The following RBP3 variants were observed in gnomAD, a reference collection of about 807,000 sequenced individuals.
RBP3 encodes retinol-binding protein 3.
Under a neutral mutation model 64.8 loss-of-function variants are expected in RBP3, and 50 were observed. That is an observed-to-expected ratio of 0.77 (90% CI 0.61 to 0.98). The LOEUF is 0.98. Among genes scored for constraint, RBP3 ranks in the 50% least tolerant of loss-of-function variants. The probability of loss-of-function intolerance (pLI) is 0.00; values close to 1 mark genes in which losing one functional copy is unlikely to be tolerated. For synonymous variants in RBP3, 828 were observed against 730.2 expected (o/e 1.13, Z -2.16); for missense variants, 1,712 against 1,660.5 (o/e 1.03, Z -0.54).
rs34262817 is a variant in RBP3, at chr10:47,357,283, C to T, written c.3570C>T (p.Leu1190=). 1.9e-6 allele frequency: 3 copies of T among 1,614,216 alleles called. No individual in the cohort carries two copies. Among genetic ancestry groups the T allele is most frequent in the Non-Finnish European group, 2.5e-6 (3 of 1,180,046 alleles). ...ACGTGGATGACACCAACCTCTACCT[C>T]ACTATCCCCACGGCCCGTTCTGTGG... is the stretch of plus-strand genomic sequence containing the variant. ...TYHVDDTNLY[L]TIPTARSVGA... The change falls in exon 4 of 4, where the codon CTC becomes CTT. Residue 1190 remains leucine, a synonymous_variant. Transcript: ENST00000584701.
At position 47,350,603 on chromosome 10, in the gene RBP3, G is replaced by A. The variant is rs782314171; in HGVS notation, c.2119G>A (p.Glu707Lys). The part of the protein sequence containing the change: ...HRLLVFHSPG[E>K]LVVEEAPPPP... The stretch of plus-strand genomic sequence containing the variant: ...CTTGCTAGTGTTCCACAGCCCTGGC[G>A]AGCTGGTGGTAGAGGAAGCACCCCC... Residue 707 changes from glutamate to lysine, a missense_variant, in exon 1 of 4, where the codon GAG becomes AAG. Glu to Lys is a moderately conservative substitution (Grantham distance 56). Coordinates refer to ENST00000584701, the MANE Select transcript of RBP3 (RefSeq NM_002900.3). 20 of 1,612,946 alleles carry A rather than the reference G, an allele frequency of 1.2e-5. No individual in the cohort carries two copies. The highest frequency in any genetic ancestry group is 2.7e-5 in the African/African-American group (2 of 75,046).
Position 47,350,761 on chromosome 10 carries a change from C to T in RBP3, c.2277C>T (p.Ala759=), listed in dbSNP as rs782770139. The T allele has an allele frequency of 6.8e-6, 11 of 1,613,034 alleles. No homozygotes were observed. The highest frequency in any genetic ancestry group is 1.7e-5 in the Admixed American group (1 of 60,004). The change falls in exon 1 of 4, where the codon GCC becomes GCT. Residue 759 remains alanine (A), a synonymous_variant. Transcript: ENST00000584701. ...DAMAELETVK[A]VGPQLVRLVW... is the part of the protein sequence containing the mutation. Reference sequence around the variant, plus strand: ...TGGCTGAACTGGAGACAGTGAAGGCCGTGGGGCCACAGCTGGTGCGGCTGG... The same window carrying T: ...TGGCTGAACTGGAGACAGTGAAGGCTGTGGGGCCACAGCTGGTGCGGCTGG...
In RBP3 at chr10:47,349,170, T is replaced by C; in HGVS notation, c.686T>C (p.Val229Ala). ...ERYGADKDVV[V>A]LTSSQTRGVA... ...TACGGTGCCGACAAGGATGTGGTGG[T>C]CCTCACCAGCAGCCAGACCAGGGGC... Residue 229 changes from valine (V) to alanine (A), a missense_variant, in exon 1 of 4, where the codon GTC becomes GCC. Physicochemically the swap from Val to Ala is moderately conservative, Grantham distance 64. Coordinates refer to ENST00000584701, the MANE Select transcript of RBP3 (RefSeq NM_002900.3). The C allele has an allele frequency of 7.4e-6, 12 of 1,613,708 alleles. No homozygotes were observed. The highest frequency in any genetic ancestry group is 1.0e-5 in the Non-Finnish European group (12 of 1,180,026).
chr10:47,349,594 C>T lies in RBP3; in HGVS notation c.1110C>T (p.Thr370=). The T allele has an allele frequency of 6.2e-7, 1 of 1,612,976 alleles. No individual in the cohort carries two copies. Among genetic ancestry groups the T allele is most frequent in the Non-Finnish European group, 8.5e-7 (1 of 1,180,018 alleles). The part of the protein sequence containing the change: ...STVVSEEDLV[T]KLNAGLQAAS... ...TGGTCTCCGAGGAAGATCTGGTCACCAAGCTCAATGCCGGCCTGCAGGCTG... is the reference window on the plus strand; with the variant it reads ...TGGTCTCCGAGGAAGATCTGGTCACTAAGCTCAATGCCGGCCTGCAGGCTG... Residue 370 remains threonine, a synonymous_variant, in exon 1 of 4, where the codon ACC becomes ACT. Transcript: ENST00000584701.
chr10:47,349,296 T>G lies in RBP3; in HGVS notation c.812T>G (p.Ile271Arg). 4 of 1,612,832 alleles carry G rather than the reference T, an allele frequency of 2.5e-6. No homozygotes were observed. The highest frequency in any genetic ancestry group is 3.4e-6 in the Non-Finnish European group (4 of 1,179,960). ...GCCCTGGACCTCCGGAAGCTGAGGA[T>G]AGGCGAGTCTGACTTCTTCTTCACG... is the stretch of plus-strand genomic sequence containing the variant. ...GGALDLRKLRIGESDFFFTVP... is the reference protein window; with the variant it reads ...GGALDLRKLRRGESDFFFTVP... Residue 271 changes from isoleucine (I) to arginine (R), a missense_variant, in exon 1 of 4, where the codon ATA becomes AGA. By Grantham distance (97) the Ile-to-Arg change is moderately conservative. Transcript: ENST00000584701.
rs781988474 is a variant in RBP3, at chr10:47,357,224, A to G, written c.3511A>G (p.Thr1171Ala). The G allele has an allele frequency of 6.2e-7, 1 of 1,613,984 alleles. No homozygotes were observed. The highest frequency in any genetic ancestry group is 8.5e-7 in the Non-Finnish European group (1 of 1,180,026). The change falls in exon 4 of 4, where the codon ACC (threonine) becomes GCC (alanine). Residue 1171 changes from threonine (T) to alanine (A), a missense_variant. Transcript: ENST00000584701. Reference protein sequence around the residue: ...LGRALVIGEVTSGGCQPPQTY... With the variant: ...LGRALVIGEVASGGCQPPQTY... ...CCGGGCCCTGGTCATTGGGGAGGTG[A>G]CCAGTGGGGGCTGCCAGCCACCACA...
In RBP3 at chr10:47,353,449, CCAGG is replaced by C; in HGVS notation, c.3181_3184del (p.Arg1061CysfsTer16). The C allele has an allele frequency of 2.5e-6, 4 of 1,614,170 alleles. No homozygotes were observed. Among genetic ancestry groups the C allele is most frequent in the Non-Finnish European group, 3.4e-6 (4 of 1,180,046 alleles). ...GACGGTGAGCTGCTCACCCAGGTCTCCAGGCTGCTGGTGGAGCACATCTGGAAGA... is the reference window on the plus strand; with the variant it reads ...GACGGTGAGCTGCTCACCCAGGTCTCCTGCTGGTGGAGCACATCTGGAAGA... On this transcript the variant is annotated frameshift_variant, in exon 2 of 4. Transcript: ENST00000584701. LOFTEE classifies it high-confidence loss of function.
rs782480502 is a variant in RBP3 at position 47,350,237 on chromosome 10, C to T, written c.1753C>T (p.Pro585Ser). Residue 585 changes from proline to serine, a missense_variant, in exon 1 of 4, where the codon CCC (proline) becomes TCC (serine). Coordinates refer to ENST00000584701, the MANE Select transcript of RBP3 (RefSeq NM_002900.3). The stretch of plus-strand genomic sequence containing the variant: ...CCGCACGGTGCCGCTGCTGGACACA[C>T]CCGAAGGCAGCCTCGCGCTCACCGT... ...HTRTVPLLDTPEGSLALTVPV... is the reference protein window; with the variant it reads ...HTRTVPLLDTSEGSLALTVPV... 1.2e-6 allele frequency: 2 copies of T among 1,608,092 alleles called. No individual in the cohort carries two copies. The highest frequency in any genetic ancestry group is 4.5e-5 in the East Asian group (2 of 44,882).
rs543456472 is a variant in RBP3, at chr10:47,349,600, C to T, written c.1116C>T (p.Leu372=). The T allele has an allele frequency of 1.2e-6, 2 of 1,612,918 alleles. No individual in the cohort carries two copies. The highest frequency in any genetic ancestry group is 1.3e-5 in the African/African-American group (1 of 75,036). Residue 372 remains leucine, a synonymous_variant, in exon 1 of 4, where the codon CTC becomes CTT. Coordinates refer to ENST00000584701, the MANE Select transcript of RBP3 (RefSeq NM_002900.3). ...VVSEEDLVTK[L]NAGLQAASED... ...CCGAGGAAGATCTGGTCACCAAGCT[C>T]AATGCCGGCCTGCAGGCTGCGTCTG...
rs527458754 is a variant in RBP3, at chr10:47,349,607, G to A, written c.1123G>A (p.Gly375Ser). 24 of 1,612,742 alleles carry A rather than the reference G, an allele frequency of 1.5e-5. No individual in the cohort carries two copies. Among genetic ancestry groups the A allele is most frequent in the South Asian group, 6.6e-5 (6 of 91,086 alleles). ...AGATCTGGTCACCAAGCTCAATGCC[G>A]GCCTGCAGGCTGCGTCTGAGGATCC... ...EEDLVTKLNAGLQAASEDPRL... is the reference protein window; with the variant it reads ...EEDLVTKLNASLQAASEDPRL... The change falls in exon 1 of 4, where the codon GGC becomes AGC. Residue 375 changes from glycine (G) to serine (S), a missense_variant. Physicochemically the swap from Gly to Ser is moderately conservative, Grantham distance 56. Transcript: ENST00000584701.
chr10:47,355,287 A>G (rs11817788), intron 2 of RBP3, 89 bp from the exon 3 acceptor site: 138,933 of 1,559,218 alleles, frequency 0.089, 7,176 homozygotes, highest in East Asian at 0.18. Context: ...AGAACCCTCC[A>G]TGGGACAAAG....
chr10:47,349,021 C>T lies in RBP3; in HGVS notation c.537C>T (p.Gly179=). Residue 179 remains glycine, a synonymous_variant, in exon 1 of 4, where the codon GGC becomes GGT. Coordinates refer to ENST00000584701, the MANE Select transcript of RBP3 (RefSeq NM_002900.3). ...ACTGCACAGGAGGCCAGGTCTCTGG[C>T]ATTCCCTACATCATCTCCTACCTGC... ...LRHCTGGQVS[G]IPYIISYLHP... is the part of the protein sequence containing the mutation. 1.2e-6 allele frequency: 2 copies of T among 1,614,042 alleles called. No individual in the cohort carries two copies. Among genetic ancestry groups the T allele is most frequent in the Non-Finnish European group, 1.7e-6 (2 of 1,180,032 alleles).
rs149031179 is a variant in RBP3 at position 47,351,513 on chromosome 10, G to A, written c.3029G>A (p.Arg1010His). ...CATATCCCTGAGAATGCCAAGGACC[G>A]CATTCCTGGAATTGTGCCCATGCAG... ...AAHIPENAKD[R>H]IPGIVPMQIP... Residue 1010 changes from arginine to histidine, a missense_variant, in exon 1 of 4, where the codon CGC (arginine) becomes CAC (histidine). By Grantham distance (29) the Arg-to-His change is conservative. Transcript: ENST00000584701. 4.3e-5 allele frequency: 69 copies of A among 1,613,630 alleles called. No individual in the cohort carries two copies. Among genetic ancestry groups the A allele is most frequent in the East Asian group, 6.7e-5 (3 of 44,902 alleles).
rs1555211577 is a variant in RBP3, at chr10:47,351,416, G to A, written c.2932G>A (p.Glu978Lys). ...LQSRYSRVTS[E>K]VALAEILGAD... ...GAGCCGCTACTCCAGGGTGACCTCA[G>A]AAGTGGCCCTAGCCGAGATCCTGGG... The change falls in exon 1 of 4, where the codon GAA (glutamate) becomes AAA (lysine). Residue 978 changes from glutamate to lysine, a missense_variant. Physicochemically the swap from Glu to Lys is moderately conservative, Grantham distance 56. Transcript: ENST00000584701. 9 of 1,613,744 alleles carry A rather than the reference G, an allele frequency of 5.6e-6. No individual in the cohort carries two copies. Among genetic ancestry groups the A allele is most frequent in the Non-Finnish European group, 7.6e-6 (9 of 1,180,050 alleles).
chr10:47,349,404 C>T lies in RBP3; in HGVS notation c.920C>T (p.Thr307Ile), dbSNP rs782141561. 24 of 1,611,778 alleles carry T rather than the reference C, an allele frequency of 1.5e-5. No individual in the cohort carries two copies. The highest frequency in any genetic ancestry group is 3.3e-4 in the Middle Eastern group (2 of 6,082). Residue 307 changes from threonine (T) to isoleucine (I), a missense_variant, in exon 1 of 4, where the codon ACT (threonine) becomes ATT (isoleucine). By Grantham distance (89) the Thr-to-Ile change is moderately conservative (BLOSUM62 -1). Coordinates refer to ENST00000584701, the MANE Select transcript of RBP3 (RefSeq NM_002900.3). ...EGSGVLPCVG[T>I]PAEQALEKAL... ...AGCGGGGTGCTGCCCTGTGTGGGGA[C>T]TCCGGCCGAGCAGGCCCTGGAGAAA...
In RBP3 at chr10:47,348,784, A is replaced by G. The variant is rs781950524; in HGVS notation, c.300A>G (p.Pro100=). 1.2e-6 allele frequency: 2 copies of G among 1,613,362 alleles called. No individual in the cohort carries two copies. The highest frequency in any genetic ancestry group is 1.3e-5 in the African/African-American group (1 of 74,832). The change falls in exon 1 of 4, where the codon CCA becomes CCG. Residue 100 remains proline (P), a synonymous_variant. Transcript: ENST00000584701. ...SYEPSTPEPP[P]QVPALTSLSE... ...AGCCCAGCACCCCCGAGCCTCCCCC[A>G]CAAGTCCCAGCACTCACCAGCCTCT...
chr10:47,351,189 C>G lies in RBP3; in HGVS notation c.2705C>G (p.Thr902Ser), dbSNP rs782142964. Residue 902 changes from threonine to serine, a missense_variant, in exon 1 of 4, where the codon ACC becomes AGC. Coordinates refer to ENST00000584701, the MANE Select transcript of RBP3 (RefSeq NM_002900.3). ...CCCACCCAGATGGCCATGAGTGCCACCACAGGCAAGGCCTGGGACCTGGCT... is the reference window on the plus strand; with the variant it reads ...CCCACCCAGATGGCCATGAGTGCCAGCACAGGCAAGGCCTGGGACCTGGCT... ...SMPTQMAMSA[T>S]TGKAWDLAGV... 3 of 1,613,122 alleles carry G rather than the reference C, an allele frequency of 1.9e-6. No homozygotes were observed. Among genetic ancestry groups the G allele is most frequent in the Admixed American group, 3.3e-5 (2 of 60,012 alleles).
chr10:47,357,151 G>A lies in RBP3; in HGVS notation c.3438G>A (p.Val1146=), dbSNP rs782078360. 1.9e-5 allele frequency: 30 copies of A among 1,613,236 alleles called. No homozygotes were observed. The highest frequency in any genetic ancestry group is 2.5e-5 in the Non-Finnish European group (30 of 1,179,952). The part of the protein sequence containing the change: ...KKSMVILTSS[V]TAGTAEEFTY... ...GCATGGTCATTCTGACCAGCAGTGT[G>A]ACGGCCGGCACCGCGGAGGAGTTCA... The change falls in exon 4 of 4, where the codon GTG becomes GTA. Residue 1146 remains valine, a synonymous_variant. Coordinates refer to ENST00000584701, the MANE Select transcript of RBP3 (RefSeq NM_002900.3).
chr10:47,349,490 G>T lies in RBP3; in HGVS notation c.1006G>T (p.Val336Phe), dbSNP rs782215234. The T allele has an allele frequency of 6.2e-7, 1 of 1,612,846 alleles. No homozygotes were observed. Among genetic ancestry groups the T allele is most frequent in the Non-Finnish European group, 8.5e-7 (1 of 1,180,036 alleles). ...AGGGGTAGTCCACTGCCTCCAGGAGGTCCTGAAGGACTACTACACGCTGGT... is the reference window on the plus strand; with the variant it reads ...AGGGGTAGTCCACTGCCTCCAGGAGTTCCTGAAGGACTACTACACGCTGGT... The part of the protein sequence containing the change: ...LPGVVHCLQE[V>F]LKDYYTLVDR... Residue 336 changes from valine (V) to phenylalanine (F), a missense_variant, in exon 1 of 4, where the codon GTC becomes TTC. By Grantham distance (50) the Val-to-Phe change is conservative (BLOSUM62 -1). Transcript: ENST00000584701.
Sources: gnomAD v4.1 joint callset for allele counts on GRCh38, gnomAD v4.1.1 for gene constraint, MANE v1.5 for transcripts, NCBI Gene and HGNC (gene_info 2026-07-23, HGNC 2026-07-21) for gene names.